The following PFKM variants were observed in gnomAD, a reference collection of about 807,000 sequenced individuals.
PFKM encodes the protein phosphofructokinase, muscle.
Under a neutral mutation model 95.5 loss-of-function variants are expected in PFKM, and 58 were observed. The ratio of observed to expected loss-of-function variants is 0.61; its 90% CI spans 0.49 to 0.76. The LOEUF is 0.76. PFKM is among the 30% of genes least tolerant of loss of function. The pLI, the probability that PFKM is intolerant of heterozygous loss-of-function variation, is 0.00. For missense variants in PFKM, 678 were observed against 1,005.4 expected (o/e 0.67, Z 4.40); for synonymous variants, 336 against 357.2 (o/e 0.94, Z 0.67).
At chr12:48,123,050 A>G (rs748080249) in intron 2 of PFKM, among the ~76,000 whole-genome samples, 191 bp downstream of exon 2, 1 of 152,236 alleles carries the variant, frequency 6.6e-6, no homozygotes, top group Non-Finnish European at 1.5e-5. Context: ...CCACATCTTC[A>G]TAAAACTTAT....
At chr12:48,105,938 A>C in exon 1 of PFKM, 1 of 688,686 alleles carries the variant, frequency 1.5e-6, no homozygotes, top group South Asian at 1.5e-5. Flanking sequence ...CGCCCAGTCC[A>C]GCCCGGGCCG....
upstream of PFKM, chr12:48,105,894 G>C: frequency 1.6e-6 from 1 of 621,622 alleles, no homozygotes; most frequent in Non-Finnish European, 2.9e-6. Flanking sequence ...CGGGGCAGAG[G>C]AAAAGGCGCC....
upstream of PFKM, among the ~76,000 whole-genome samples, chr12:48,116,407 G>T (rs1033438481): frequency 4.6e-5 from 7 of 152,030 alleles, no homozygotes; most frequent in Non-Finnish European, 1.0e-4. Context: ...TTGATGTTGA[G>T]CATCTTTTCT....
upstream of PFKM, chr12:48,119,329 G>A: frequency 4.1e-6 from 4 of 983,964 alleles, no homozygotes; most frequent in Non-Finnish European, 4.8e-6. Context: ...TCCTCCCCAT[G>A]TTCGTCCATC....
intron 2 of PFKM, among the ~76,000 whole-genome samples, chr12:48,123,321 G>A (rs375157316): frequency 1.7e-4 from 26 of 152,134 alleles, no homozygotes; most frequent in African/African-American, 4.3e-4. Flanking sequence ...TCAGGCACTC[G>A]GTTTTCTCTG....
intron 3 of PFKM, among the ~76,000 whole-genome samples, chr12:48,111,605 G>A (rs1406181669): frequency 6.6e-6 from 1 of 152,214 alleles, no homozygotes; most frequent in Non-Finnish European, 1.5e-5. Flanking sequence ...AGATGTGGAA[G>A]ATACTATAGC....
chr12:48,139,541 C>G, intron 12 of PFKM, 192 bp downstream of exon 12: 1 of 640,182 alleles, frequency 1.6e-6, no homozygotes, highest in Admixed American at 2.5e-5. Context: ...GGGGTGTGGT[C>G]CCTGGCATCA....
intron 17 of PFKM, chr12:48,142,355 C>A (rs1194602414): frequency 6.6e-6 from 3 of 454,968 alleles, no homozygotes; most frequent in Non-Finnish European, 1.2e-5. Flanking sequence ...CGCCTGTAAT[C>A]CCAGCTACTT....
chr12:48,126,163 A>T lies in PFKM; in HGVS notation c.85+3304A>T, dbSNP rs538848197. Among the ~76,000 whole-genome samples the T allele has an allele frequency of 2.3e-4, 35 of 152,310 alleles. No homozygotes were observed. The East Asian group carries it at 6.8e-3, about 29-fold the overall frequency. ...AATCTTATCCTTCGTCTTGCTTCTA[A>T]TAAGTCAGACAACTGCCATGGAGGG... is the stretch of plus-strand genomic sequence containing the variant. On this transcript the variant is annotated intron_variant, in intron 2 of 22. Coordinates refer to ENST00000359794, the MANE Select transcript of PFKM (RefSeq NM_000289.6).
intron 1 of PFKM, 31 bp downstream of exon 1, chr12:48,119,437 G>A: frequency 1.0e-6 from 1 of 984,166 alleles, no homozygotes; most frequent in Non-Finnish European, 1.2e-6. Context: ...AAGAGCAAGG[G>A]GGAGAGCTGG....
chr12:48,135,611 C>T (rs55752728), intron 10 of PFKM, among the ~76,000 whole-genome samples: 24 of 152,086 alleles, frequency 1.6e-4, no homozygotes, highest in Admixed American at 2.0e-4. Flanking sequence ...GGAACAATAT[C>T]TTTTTGTTTT....
At position 48,129,613 on chromosome 12, in the gene PFKM, C is replaced by T. The variant is rs188140951; in HGVS notation, c.86-750C>T. 3.6e-3 allele frequency among the ~76,000 whole-genome samples: 549 copies of T among 152,256 alleles called. 6 individuals carry two copies. The highest frequency in any genetic ancestry group is 5.0e-3 in the Non-Finnish European group (341 of 68,016). ...CACAACTGTGTGGCACACATTGGAA[C>T]ATAGACCAACTCAAGTGACACAAAA... On this transcript the variant is annotated intron_variant, in intron 2 of 22. Transcript: ENST00000359794.
Position 48,145,816 on chromosome 12 carries a change from T to C in PFKM, c.*108T>C, listed in dbSNP as rs1565918772. On this transcript the variant is annotated 3_prime_UTR_variant, in exon 23 of 23. Coordinates refer to ENST00000359794, the MANE Select transcript of PFKM (RefSeq NM_000289.6). This position sits in a 1 kb window ranked among gnomAD's most constrained non-coding sequence, Gnocchi z 4.3. ...CTGTTTTTTTCATTAGGTTTCCTTT[T>C]ATTCTGTACCTTGCAGCCATGACCA... 7.8e-7 allele frequency: 1 copy of C among 1,277,622 alleles called. No individual in the cohort carries two copies. The highest frequency in any genetic ancestry group is 2.3e-5 in the East Asian group (1 of 42,944). 79.1% of individuals were successfully genotyped at this position (1,277,622 alleles called of 1,614,324 possible).
At chr12:48,106,051 G>T (rs1460801516) in exon 1 of PFKM, 1 of 702,262 alleles carries the variant, frequency 1.4e-6, no homozygotes, top group South Asian at 1.5e-5. Flanking sequence ...GCTGCCATGC[G>T]AAGGGGTTTC....
chr12:48,111,216 C>A (rs1200164584), intron 3 of PFKM, among the ~76,000 whole-genome samples: 1 of 152,190 alleles, frequency 6.6e-6, no homozygotes, highest in Non-Finnish European at 1.5e-5. Flanking sequence ...TGCTGCTTCA[C>A]CCATTTGCTC....
chr12:48,121,610 G>C (rs1467684060), intron 1 of PFKM, among the ~76,000 whole-genome samples: 1 of 152,080 alleles, frequency 6.6e-6, no homozygotes, highest in Non-Finnish European at 1.5e-5. Context: ...GTAAAACTTG[G>C]GTTCCTGTGA....
upstream of PFKM, among the ~76,000 whole-genome samples, chr12:48,117,577 A>G (rs550691076): frequency 6.6e-6 from 1 of 152,380 alleles, no homozygotes; most frequent in South Asian, 2.1e-4. Flanking sequence ...TTCGCTAATG[A>G]CATATGATGT....
chr12:48,129,286 C>T (rs1949198755), intron 2 of PFKM, among the ~76,000 whole-genome samples: 1 of 118,814 alleles, frequency 8.4e-6, no homozygotes, highest in Non-Finnish European at 1.6e-5. Flanking sequence ...GTCTCAAACT[C>T]CTAGGCTCAA....
At chr12:48,143,724 A>G (rs200350862) in intron 18 of PFKM, 29 bp from the exon 19 acceptor site, 4 of 1,557,802 alleles carry the variant, frequency 2.6e-6, no homozygotes, top group Non-Finnish European at 3.5e-6. Flanking sequence ...ATTCCCAGTT[A>G]GGCTTAGGAT....
Sources: gnomAD v4.1 joint callset for allele counts (sites outside exome capture counted in the v4.1 genomes callset) on GRCh38, gnomAD v4.1.1 for gene constraint, Gnocchi (gnomAD v3.1) non-coding constraint, MANE v1.5 for transcripts, NCBI Gene and HGNC (gene_info 2026-07-23, HGNC 2026-07-21) for gene names.